Variants in CELF1 observed in about 807,000 individuals in gnomAD.
CELF1 encodes 50 kDa nuclear polyadenylated RNA-binding protein.
A neutral mutation model predicts 61.8 loss-of-function variants in CELF1; 10 were observed. The ratio of observed to expected loss-of-function variants is 0.16; its 90% CI spans 0.10 to 0.27. The LOEUF is 0.27. Among genes scored for constraint, CELF1 ranks in the 10% least tolerant of loss-of-function variants. The pLI, the probability that CELF1 is intolerant of heterozygous loss-of-function variation, is 1.00. For missense variants in CELF1, 380 were observed against 639.1 expected, an observed-to-expected ratio of 0.59 and a Z score of 4.37; for synonymous variants, 236 against 225.1, an observed-to-expected ratio of 1.05 and a Z score of -0.43.
chr11:47,559,087 A>G (rs1413041974), intron 2 of CELF1, among the ~76,000 whole-genome samples: 1 of 143,728 alleles, frequency 7.0e-6, no homozygotes, highest in Non-Finnish European at 1.5e-5. Flanking sequence ...ATATAATAAT[A>G]TAATATATAT....
chr11:47,547,486 T>C (rs1274758977), intron 1 of CELF1, among the ~76,000 whole-genome samples: 1 of 151,970 alleles, frequency 6.6e-6, no homozygotes, highest in East Asian at 1.9e-4. Context: ...GAGACCAGCC[T>C]GGCCAAAATG....
intron 1 of CELF1, among the ~76,000 whole-genome samples, chr11:47,550,163 G>A (rs924338897): frequency 6.6e-6 from 1 of 152,014 alleles, no homozygotes; most frequent in Admixed American, 6.6e-5. Flanking sequence ...AGGCTCAGTG[G>A]CTCACATCTG....
rs145610420 is a variant in CELF1 at position 47,518,947 on chromosome 11, T to C, written c.-153-18015A>G. Among the ~76,000 whole-genome samples the C allele has an allele frequency of 1.8e-4, 27 of 152,354 alleles. 1 individual carries two copies. The East Asian group carries it at 5.2e-3, about 29-fold the overall frequency. On this transcript the variant is annotated intron_variant, in intron 1 of 14. Transcript: ENST00000687097. The stretch of plus-strand genomic sequence containing the variant: ...TCCATATGGTCTTGTTTCAGGAGCT[T>C]TGCCCTGTTCTGTTGAAAAGCAGGA...
chr11:47,507,008 T>C (rs1446048868), intron 1 of CELF1: 1 of 152,188 alleles, frequency 6.6e-6, no homozygotes, highest in Non-Finnish European at 1.5e-5. Flanking sequence ...TGGCAGAAGA[T>C]AAAAATACAG....
intron 1 of CELF1, among the ~76,000 whole-genome samples, chr11:47,542,918 A>C (rs1432581131): frequency 6.6e-6 from 1 of 152,094 alleles, no homozygotes; most frequent in Non-Finnish European, 1.5e-5. Flanking sequence ...GGATCACTTG[A>C]GGACAGGTGT....
chr11:47,478,932 C>T lies in CELF1; in HGVS notation c.789G>A (p.Gln263=), dbSNP rs2153412938. ...TGAGGTTCCCAGAGGAGGCAGTCTG[C>T]TGAAGGAGCTGCAAATAAAGCTAGA... ...QYLALYLQLL[Q]QTASSGNLNT... The change falls in exon 10 of 15, where the codon CAG becomes CAA. Residue 263 remains glutamine (Q), a synonymous_variant. Transcript: ENST00000687097. 6.2e-7 allele frequency: 1 copy of T among 1,612,586 alleles called. No individual in the cohort carries two copies. Among genetic ancestry groups the T allele is most frequent in the Non-Finnish European group, 8.5e-7 (1 of 1,179,334 alleles).
At chr11:47,553,990 A>C (rs1011706616), upstream of CELF1, among the ~76,000 whole-genome samples, 9 of 152,080 alleles carry the variant, frequency 5.9e-5, no homozygotes, top group Non-Finnish European at 1.2e-4. Context: ...ATGCAGATTA[A>C]GAAAGAAAAC....
chr11:47,531,201 C>G (rs1279376907), intron 1 of CELF1, among the ~76,000 whole-genome samples: 1 of 151,950 alleles, frequency 6.6e-6, no homozygotes, highest in Non-Finnish European at 1.5e-5. Flanking sequence ...GAGCTGAGAT[C>G]GCACCACTGC....
chr11:47,549,822 T>TG (rs1459303275), intron 1 of CELF1, among the ~76,000 whole-genome samples: 2 of 148,026 alleles, frequency 1.4e-5, no homozygotes, highest in East Asian at 3.9e-4. Context: ...TTTTTTTTGT[T>TG]TTTTTTTTTT....
chr11:47,552,634 G>A (rs1487802360), intron 1 of CELF1, among the ~76,000 whole-genome samples: 2 of 152,234 alleles, frequency 1.3e-5, no homozygotes, highest in African/African-American at 2.4e-5. Context: ...GGTCCAGCAC[G>A]GCAGCCAGAA....
At chr11:47,518,653 T>C (rs1247774816) in intron 1 of CELF1, among the ~76,000 whole-genome samples, 1 of 152,210 alleles carries the variant, frequency 6.6e-6, no homozygotes, top group Non-Finnish European at 1.5e-5. Flanking sequence ...AATTGCAAGC[T>C]TTATCATTCC....
intron 9 of CELF1, 135 bp downstream of exon 9, chr11:47,482,560 A>G: frequency 1.4e-6 from 1 of 733,196 alleles, no homozygotes; most frequent in Non-Finnish European, 2.2e-6. Flanking sequence ...AAGAAATAGT[A>G]CTACCTGAAT....
At chr11:47,499,414 C>T (rs2093621023) in intron 3 of CELF1, 39 bp downstream of exon 3, 2 of 1,476,832 alleles carry the variant, frequency 1.4e-6, no homozygotes, top group Non-Finnish European at 1.8e-6. Flanking sequence ...AGCCCAGTTC[C>T]TCTGCTTATG....
intron 1 of CELF1, among the ~76,000 whole-genome samples, chr11:47,507,906 TA>T (rs574437749): frequency 0.039 from 5,681 of 146,786 alleles, 106 homozygotes; most frequent in Middle Eastern, 0.07. Flanking sequence ...TTAAACTAAT[TA>T]AAAAAAAAAA....
intron 1 of CELF1, among the ~76,000 whole-genome samples, chr11:47,508,804 C>CA (rs1337679438): frequency 1.3e-5 from 2 of 152,280 alleles, no homozygotes; most frequent in East Asian, 1.9e-4. Context: ...GAGTTTCGCT[C>CA]TTGTTGCCCA....
intron 14 of CELF1, 125 bp downstream of exon 14, chr11:47,472,963 G>T: frequency 9.6e-7 from 1 of 1,037,940 alleles, no homozygotes; most frequent in Non-Finnish European, 1.4e-6. Context: ...AGGTCATAAT[G>T]ACCTGCCCAT....
chr11:47,552,601 G>A (rs2097168724), intron 1 of CELF1, among the ~76,000 whole-genome samples: 1 of 152,342 alleles, frequency 6.6e-6, no homozygotes, highest in South Asian at 2.1e-4. Flanking sequence ...GGCAGAGATG[G>A]GGTGTCCCGG....
chr11:47,521,231 G>A (rs989794411), intron 1 of CELF1, among the ~76,000 whole-genome samples: 3 of 152,190 alleles, frequency 2.0e-5, no homozygotes, highest in African/African-American at 7.2e-5. Flanking sequence ...CAGCCTGGGC[G>A]ACTGAGAGAG....
At chr11:47,515,050 T>C (rs1327321748) in intron 1 of CELF1, among the ~76,000 whole-genome samples, 1 of 152,206 alleles carries the variant, frequency 6.6e-6, no homozygotes, top group Non-Finnish European at 1.5e-5. Context: ...GGCAGTACTG[T>C]CAACAATGGA....
Sources: allele counts gnomAD v4.1 joint callset (sites outside exome capture counted in the v4.1 genomes callset), GRCh38; gene constraint gnomAD v4.1.1; transcripts MANE v1.5; gene names NCBI Gene and HGNC (gene_info 2026-07-23, HGNC 2026-07-21).